ILRUN: variants seen among roughly 807,000 people sequenced by gnomAD.
ILRUN encodes inflammation and lipid regulator with UBA-like and NBR1-like domains, also known as protein ILRUN.
ILRUN carries 3 observed loss-of-function variants against 33.8 expected under a neutral mutation model. The observed-to-expected ratio is 0.09, with a 90% CI of 0.04 to 0.23. ILRUN has a LOEUF of 0.23. Among genes scored for constraint, ILRUN ranks in the 10% least tolerant of loss-of-function variants. The probability of loss-of-function intolerance (pLI) is 1.00; values close to 1 mark genes in which losing one functional copy is unlikely to be tolerated. For missense variants in ILRUN, 210 were observed against 375.1 expected (o/e 0.56, Z 3.64); for synonymous variants, 124 against 138.9 (o/e 0.89, Z 0.75).
Position 34,696,614 on chromosome 6 carries a change from G to A in ILRUN, c.-11C>T. On this transcript the variant is annotated 5_prime_UTR_variant, in exon 1 of 5. Coordinates refer to ENST00000374023, the MANE Select transcript of ILRUN (RefSeq NM_024294.4). ...GTCCATGCCCTCCATGGCGGGGACC[G>A]GACACCCGCTTCCCCGCCTCTTCAC... 6.3e-7 allele frequency: 1 copy of A among 1,591,102 alleles called. No individual in the cohort carries two copies. Among genetic ancestry groups the A allele is most frequent in the Non-Finnish European group, 8.5e-7 (1 of 1,171,520 alleles).
intron 3 of ILRUN, among the ~76,000 whole-genome samples, chr6:34,638,255 C>T (rs1363790248): frequency 6.6e-6 from 1 of 152,156 alleles, no homozygotes; most frequent in Admixed American, 6.5e-5. Context: ...TCACCACCAC[C>T]TGGTGGCAGT....
intron 3 of ILRUN, among the ~76,000 whole-genome samples, chr6:34,614,457 A>C (rs796110840): frequency 7.5e-6 from 1 of 134,004 alleles, no homozygotes; most frequent in Non-Finnish European, 1.5e-5. Flanking sequence ...TATATATATA[A>C]AATGTATATT....
intron 4 of ILRUN, among the ~76,000 whole-genome samples, chr6:34,598,866 G>A (rs1761453825): frequency 6.6e-6 from 1 of 152,148 alleles, no homozygotes. Flanking sequence ...GGCTCTTCTG[G>A]GTTTTCAAAA....
In ILRUN at chr6:34,592,960, G is replaced by A. The variant is rs11755369; in HGVS notation, c.862-2360C>T. 1.3e-5 allele frequency among the ~76,000 whole-genome samples: 2 copies of A among 152,132 alleles called. No homozygotes were observed. On this transcript the variant is annotated intron_variant, in intron 4 of 4. Coordinates refer to ENST00000374023, the MANE Select transcript of ILRUN (RefSeq NM_024294.4). The surrounding 1 kb of genome is among the most constrained non-coding windows in gnomAD (Gnocchi z 4.0). ...AGGCCCAGGCGGGAGAACTGCTTGA[G>A]GTGAGGAGTTAGGAGATCAGTATGG...
rs201049329 is a variant in ILRUN at position 34,654,755 on chromosome 6, G to C, written c.183C>G (p.Ala61=). The C allele has an allele frequency of 6.2e-7, 1 of 1,613,524 alleles. No individual in the cohort carries two copies. The highest frequency in any genetic ancestry group is 1.7e-5 in the Admixed American group (1 of 59,880). The change falls in exon 2 of 5, where the codon GCC becomes GCG. Residue 61 remains alanine (A), a synonymous_variant. Coordinates refer to ENST00000374023, the MANE Select transcript of ILRUN (RefSeq NM_024294.4). ...TGTTTGGGCTCTCAAAGTCATAATAGGCGCCAATTGCTGCTTGTAGGTTCC... is the reference window on the plus strand; with the variant it reads ...TGTTTGGGCTCTCAAAGTCATAATACGCGCCAATTGCTGCTTGTAGGTTCC... ...TNWNLQAAIG[A]YYDFESPNIS...
intron 4 of ILRUN, chr6:34,595,988 G>A: frequency 1.1e-6 from 1 of 902,016 alleles, no homozygotes; most frequent in Non-Finnish European, 1.3e-6. Context: ...TTAGTACTAA[G>A]TCCTGTCCTG....
chr6:34,695,788 C>T (rs1264986197), intron 1 of ILRUN, among the ~76,000 whole-genome samples: 1 of 151,882 alleles, frequency 6.6e-6, no homozygotes, highest in East Asian at 1.9e-4. Context: ...TGTCGATTTA[C>T]TAGTAGATCC....
chr6:34,633,169 A>T (rs576204721), intron 3 of ILRUN, among the ~76,000 whole-genome samples: 2 of 152,346 alleles, frequency 1.3e-5, no homozygotes, highest in South Asian at 2.1e-4. Flanking sequence ...GAGCAAAGAA[A>T]ATTATCAGGG....
intron 3 of ILRUN, among the ~76,000 whole-genome samples, chr6:34,611,621 G>A (rs1243219513): frequency 6.6e-6 from 1 of 152,170 alleles, no homozygotes; most frequent in Admixed American, 6.5e-5. Context: ...CATAGACAAT[G>A]ACCATTCCCA....
intron 4 of ILRUN, among the ~76,000 whole-genome samples, chr6:34,605,917 TCAAC>T (rs1761620256): frequency 6.6e-6 from 1 of 152,152 alleles, no homozygotes; most frequent in Non-Finnish European, 1.5e-5. Context: ...AGGGCTTTAT[TCAAC>T]CAACCAAAAC....
intron 1 of ILRUN, among the ~76,000 whole-genome samples, chr6:34,672,134 G>C (rs967409288): frequency 1.3e-5 from 2 of 150,840 alleles, no homozygotes; most frequent in African/African-American, 2.4e-5. Context: ...ATGGAGTCTC[G>C]CTCTGTCGTT....
At chr6:34,633,922 A>AGGGAGGGAGGGAGGGAGGGAGGG (rs1582064229) in intron 3 of ILRUN, among the ~76,000 whole-genome samples, 1 of 134,924 alleles carries the variant, frequency 7.4e-6, no homozygotes, top group Non-Finnish European at 1.6e-5. Flanking sequence ...GGAGGGAGGG[A>AGGGAGGGAGGGAGGGAGGGAGGG]ATGAAATCAT....
chr6:34,655,881 T>TA (rs1762760982), intron 1 of ILRUN, among the ~76,000 whole-genome samples: 3 of 151,816 alleles, frequency 2.0e-5, no homozygotes, highest in South Asian at 2.1e-4. Flanking sequence ...TCTAATAGGT[T>TA]AAAAAAAATA....
intron 3 of ILRUN, chr6:34,616,957 G>GT: frequency 1.8e-6 from 1 of 562,656 alleles, no homozygotes; most frequent in Non-Finnish European, 3.4e-6. Flanking sequence ...CAAATCTGAA[G>GT]TCAGTAAATG....
In ILRUN at chr6:34,652,216, C is replaced by CA. The variant is rs757354046; in HGVS notation, c.313+2408dup. The stretch of plus-strand genomic sequence containing the variant: ...TTTTTTAAAAGCAGGCAAAATCAAG[C>CA]AAGGTGAGAAAGAAATTAGGCAAAG... On this transcript the variant is annotated intron_variant, in intron 2 of 4. Transcript: ENST00000374023. Among the ~76,000 whole-genome samples the CA allele has an allele frequency of 2.6e-5, 4 of 151,920 alleles. No homozygotes were observed. In the East Asian group the frequency reaches 7.7e-4, roughly 29 times the overall value.
At chr6:34,591,053 C>T (rs1348685369) in intron 4 of ILRUN, among the ~76,000 whole-genome samples, 3 of 152,214 alleles carry the variant, frequency 2.0e-5, no homozygotes, top group Non-Finnish European at 4.4e-5. Context: ...CAACTATTTA[C>T]TTAGCACCTA....
intron 3 of ILRUN, among the ~76,000 whole-genome samples, chr6:34,637,894 T>TTGC (rs1366672825): frequency 4.0e-4 from 61 of 151,924 alleles, no homozygotes; most frequent in Admixed American, 1.6e-3. Context: ...GTTGTTGTTG[T>TTGC]TGTTGTTGTT....
intron 2 of ILRUN, among the ~76,000 whole-genome samples, chr6:34,650,284 CACAGTG>C (rs1051991056): frequency 2.0e-5 from 3 of 152,110 alleles, no homozygotes; most frequent in Non-Finnish European, 4.4e-5. Context: ...CCAATGCTTC[CACAGTG>C]ACAGAAGTCT....
chr6:34,687,459 G>C (rs1397412117), intron 1 of ILRUN, among the ~76,000 whole-genome samples: 1 of 152,008 alleles, frequency 6.6e-6, no homozygotes, highest in Non-Finnish European at 1.5e-5. Context: ...ACTCTGGGAG[G>C]CCAAAGCAGG....
Sources: gnomAD v4.1 joint callset for allele counts (sites outside exome capture counted in the v4.1 genomes callset) on GRCh38, gnomAD v4.1.1 for gene constraint, Gnocchi (gnomAD v3.1) non-coding constraint, MANE v1.5 for transcripts, NCBI Gene and HGNC (gene_info 2026-07-23, HGNC 2026-07-21) for gene names.